The following RNF38 variants were observed in gnomAD, a reference collection of about 807,000 sequenced individuals.
The protein encoded by RNF38 is E3 ubiquitin-protein ligase RNF38.
RNF38 carries 15 observed loss-of-function variants against 67.2 expected under a neutral mutation model. The observed-to-expected ratio is 0.22, with a 90% CI of 0.15 to 0.34. The LOEUF (loss-of-function observed/expected upper bound fraction) is 0.34. Among genes scored for constraint, RNF38 ranks in the 10% least tolerant of loss-of-function variants. RNF38 has a pLI of 1.00. For missense variants in RNF38, 524 were observed against 639.9 expected, an observed-to-expected ratio of 0.82 and a Z score of 1.95; for synonymous variants, 220 against 218.8, an observed-to-expected ratio of 1.01 and a Z score of -0.05.
At chr9:36,370,775 G>A (rs934142641) in intron 3 of RNF38, among the ~76,000 whole-genome samples, 1 of 152,010 alleles carries the variant, frequency 6.6e-6, no homozygotes, top group Non-Finnish European at 1.5e-5. Flanking sequence ...GGGCGTGGTG[G>A]TGTGCACCTA....
At chr9:36,391,009 C>G (rs965089732) in intron 1 of RNF38, among the ~76,000 whole-genome samples, 1 of 152,218 alleles carries the variant, frequency 6.6e-6, no homozygotes, top group East Asian at 1.9e-4. Context: ...AAGATTAATA[C>G]TTTTTCTCAT....
chr9:36,399,950 C>T (rs1327820147), intron 1 of RNF38, 147 bp downstream of exon 1: 2 of 705,780 alleles, frequency 2.8e-6, no homozygotes, highest in East Asian at 2.8e-5. Flanking sequence ...ACGTTAAGTC[C>T]ACCGCTTAAG....
chr9:36,353,444 G>T, intron 6 of RNF38, 113 bp from the exon 7 acceptor site: 1 of 632,074 alleles, frequency 1.6e-6, no homozygotes, highest in Non-Finnish European at 2.4e-6. Flanking sequence ...TGTCTTTAAG[G>T]CCATGCATCT....
chr9:36,468,241 T>TAA (rs201229836), intron 1 of RNF38, among the ~76,000 whole-genome samples: 1,848 of 132,636 alleles, frequency 0.014, 29 homozygotes, highest in African/African-American at 0.043. Flanking sequence ...TGTTCTGTCT[T>TAA]AAAAAAAAAA....
At chr9:36,421,349 C>T (rs1838621749) in intron 2 of RNF38, among the ~76,000 whole-genome samples, 1 of 152,142 alleles carries the variant, frequency 6.6e-6, no homozygotes, top group African/African-American at 2.4e-5. Context: ...GTGGTCACAG[C>T]TCCCAAGTTT....
intron 4 of RNF38, among the ~76,000 whole-genome samples, chr9:36,359,036 G>A (rs1834330000): frequency 6.6e-6 from 1 of 152,090 alleles, no homozygotes; most frequent in Admixed American, 6.5e-5. Flanking sequence ...TGGGGCTGAA[G>A]GAAGACTTAA....
intron 1 of RNF38, among the ~76,000 whole-genome samples, chr9:36,391,929 A>G (rs1300002670): frequency 6.6e-6 from 1 of 152,186 alleles, no homozygotes; most frequent in Non-Finnish European, 1.5e-5. Context: ...CTACTTTCAA[A>G]AAGTATATGC....
chr9:36,398,366 C>G (rs992096391), intron 1 of RNF38, among the ~76,000 whole-genome samples: 1 of 151,906 alleles, frequency 6.6e-6, no homozygotes, highest in African/African-American at 2.4e-5. Flanking sequence ...CCCAGAAGTT[C>G]GAGTCCAGAA....
chr9:36,458,174 G>A (rs558961697), intron 1 of RNF38, among the ~76,000 whole-genome samples: 1 of 152,140 alleles, frequency 6.6e-6, no homozygotes, highest in Non-Finnish European at 1.5e-5. Flanking sequence ...CTTCTGGGTC[G>A]GGTGGGGACT....
Position 36,420,532 on chromosome 9 carries a change from CAAA to C in RNF38, n.312+4078_312+4080del, listed in dbSNP as rs59641483. Among the ~76,000 whole-genome samples, 8 of 73,400 alleles carry C rather than the reference CAAA, an allele frequency of 1.1e-4. 1 individual carries two copies. The highest frequency in any genetic ancestry group is 1.3e-4 in the Non-Finnish European group (4 of 31,192). 48.2% of individuals were successfully genotyped at this position (73,400 alleles called of 152,430 possible). On this transcript the variant is annotated intron_variant and non_coding_transcript_variant, in intron 2 of 3. Transcript: ENST00000488058. ...GGGCAACAGAGCAAGACTCTGTCTC[CAAA>C]AAAAAAAAAAAAGAGGACAACCTTC...
At chr9:36,391,486 A>G (rs1462252579) in intron 1 of RNF38, among the ~76,000 whole-genome samples, 1 of 152,118 alleles carries the variant, frequency 6.6e-6, no homozygotes, top group Admixed American at 6.5e-5. Flanking sequence ...TACCTACACT[A>G]AAAGTTACAT....
chr9:36,369,960 T>C (rs761258182), intron 3 of RNF38, 28 bp from the exon 4 acceptor site: 2 of 1,564,848 alleles, frequency 1.3e-6, no homozygotes, highest in Admixed American at 1.7e-5. Context: ...AAGAAAGTCA[T>C]TATGCTTATT....
chr9:36,339,302 ACACT>A lies in RNF38; in HGVS notation c.*446_*449del, dbSNP rs559935162. The A allele has an allele frequency of 1.1e-4, 18 of 163,544 alleles. No individual in the cohort carries two copies. In the South Asian group the frequency reaches 2.3e-3, roughly 21 times the overall value. 10.1% of individuals were successfully genotyped at this position (163,544 alleles called of 1,614,324 possible). On this transcript the variant is annotated 3_prime_UTR_variant, in exon 12 of 12. Transcript: ENST00000259605. ...CATGCCCTCACACAAGTAGTTGCAC[ACACT>A]CACACAGATACACTTATCACCAACA...
intron 9 of RNF38, among the ~76,000 whole-genome samples, chr9:36,345,251 T>TA (rs1833139657): frequency 1.3e-5 from 2 of 152,246 alleles, no homozygotes; most frequent in Admixed American, 1.3e-4. Flanking sequence ...GTAACATTAA[T>TA]GAACCTTGAT....
At chr9:36,435,187 G>T (rs932214969) in intron 1 of RNF38, among the ~76,000 whole-genome samples, 2 of 152,142 alleles carry the variant, frequency 1.3e-5, no homozygotes, top group Admixed American at 1.3e-4. Flanking sequence ...AGCAGGACAG[G>T]CATCAAAGAA....
In RNF38 at chr9:36,474,958, A is replaced by G. The variant is rs1371940440; in HGVS notation, n.241+12350T>C. ...GGAGTTCAAAACCAGCCTGGCCAAC[A>G]TGGTGAAACCCCATGTCTACTAAAA... is the stretch of plus-strand genomic sequence containing the variant. On this transcript the variant is annotated intron_variant and non_coding_transcript_variant, in intron 1 of 3. Coordinates refer to the RNF38 transcript ENST00000488058. Among the ~76,000 whole-genome samples the G allele has an allele frequency of 2.0e-5, 3 of 147,108 alleles. 1 individual carries two copies. The highest frequency in any genetic ancestry group is 4.5e-4 in the East Asian group (2 of 4,398).
chr9:36,365,662 G>GTTT (rs759974775), intron 4 of RNF38, among the ~76,000 whole-genome samples: 3,804 of 103,538 alleles, frequency 0.037, 484 homozygotes, highest in Middle Eastern at 0.061. Context: ...AAGACTGATA[G>GTTT]TTTTTTTTTT....
chr9:36,372,495 C>T (rs1401692946), intron 3 of RNF38: 2 of 709,490 alleles, frequency 2.8e-6, no homozygotes, highest in Non-Finnish European at 5.2e-6. Context: ...TTTGTGCTCA[C>T]CTCTGTAACT....
At chr9:36,347,045 G>A (rs1329503028) in intron 9 of RNF38, among the ~76,000 whole-genome samples, 1 of 136,902 alleles carries the variant, frequency 7.3e-6, no homozygotes, top group Middle Eastern at 4.9e-3. Context: ...ACTAGAACCC[G>A]GGAGGCAGAG....
Sources: allele counts gnomAD v4.1 joint callset (sites outside exome capture counted in the v4.1 genomes callset), GRCh38; gene constraint gnomAD v4.1.1; transcripts MANE v1.5; gene names NCBI Gene and HGNC (gene_info 2026-07-23, HGNC 2026-07-21).